The following HECTD4 variants were observed in gnomAD, a reference collection of about 807,000 sequenced individuals.
HECTD4 encodes the protein probable E3 ubiquitin-protein ligase HECTD4.
Under a neutral mutation model 471.5 loss-of-function variants are expected in HECTD4, and 114 were observed. The observed-to-expected ratio is 0.24, with a 90% confidence interval of 0.21 to 0.28. HECTD4 has a LOEUF of 0.28. HECTD4 is among the 10% of genes least tolerant of loss of function. The pLI is 1.00. For missense variants in HECTD4, 3,866 were observed against 5,651.5 expected (o/e 0.68, Z 10.13); for synonymous variants, 2,012 against 2,256.0 (o/e 0.89, Z 3.07).
At chr12:112,171,074 A>G (rs1181671160) in intron 68 of HECTD4, 43 bp downstream of exon 68, 2 of 1,534,236 alleles carry the variant, frequency 1.3e-6, no homozygotes, top group South Asian at 2.3e-5. Context: ...CTTGCAGGTC[A>G]CCTCTCTCTT....
At chr12:112,293,009 G>C (rs1333228229) in intron 7 of HECTD4, among the ~76,000 whole-genome samples, 1 of 144,718 alleles carries the variant, frequency 6.9e-6, no homozygotes, top group Non-Finnish European at 1.5e-5. Flanking sequence ...GCAGCAATGA[G>C]AGACTCCATG....
intron 1 of HECTD4, among the ~76,000 whole-genome samples, chr12:112,331,368 G>C (rs2035842292): frequency 6.6e-6 from 1 of 152,196 alleles, no homozygotes. Flanking sequence ...ACCACACCTT[G>C]TCCAGCATCA....
rs1039276436 is a variant in HECTD4, at chr12:112,193,967, TGCTTGGATC to T, written c.8750-302_8750-294del. On this transcript the variant is annotated intron_variant, in intron 56 of 75. Transcript: ENST00000682272. The surrounding 1 kb of genome is among the most constrained non-coding windows in gnomAD (Gnocchi z 5.2). ...GTCTACGAAATATATCAAATGGGGC[TGCTTGGATC>T]CAGGGGTTCCCAGAGCCTGACCTGT... 3.9e-5 allele frequency among the ~76,000 whole-genome samples: 6 copies of T among 152,236 alleles called. No homozygotes were observed.
At chr12:112,274,989 T>G in intron 9 of HECTD4, 29 bp from the exon 10 acceptor site, 1 of 1,282,646 alleles carries the variant, frequency 7.8e-7, no homozygotes, top group Non-Finnish European at 1.1e-6. Context: ...AGCTGTTTAA[T>G]GAGCCTGAAG....
intron 1 of HECTD4, among the ~76,000 whole-genome samples, chr12:112,347,466 C>T (rs2135733109): frequency 6.6e-6 from 1 of 152,226 alleles, no homozygotes. Context: ...GCCAAGATTG[C>T]ACCACTGCAC....
chr12:112,232,924 T>C, intron 38 of HECTD4, 80 bp downstream of exon 38: 1 of 1,308,752 alleles, frequency 7.6e-7, no homozygotes, highest in Non-Finnish European at 1.1e-6. Flanking sequence ...TTTTTTGTTT[T>C]CTTAATTTGT....
At position 112,184,118 on chromosome 12, in the gene HECTD4, G is replaced by T; in HGVS notation, c.10779+69C>A. On this transcript the variant is annotated intron_variant, in intron 61 of 75. Coordinates refer to ENST00000682272, the MANE Select transcript of HECTD4 (RefSeq NM_001388303.1). The surrounding 1 kb of genome is among the most constrained non-coding windows in gnomAD (Gnocchi z 9.1). ...TACCTACTAGGAAATAACTTTGGAA[G>T]ATTTAAAGAGGCTTGGGGGATTGAA... 1 of 1,407,524 alleles carries T rather than the reference G, an allele frequency of 7.1e-7. No homozygotes were observed. Among genetic ancestry groups the T allele is most frequent in the Non-Finnish European group, 9.7e-7 (1 of 1,028,938 alleles). The allele number at this position is 1,407,524 out of a possible 1,614,324, so 87.2% of individuals were successfully genotyped here.
At chr12:112,364,648 G>A (rs2135753066) in intron 1 of HECTD4, among the ~76,000 whole-genome samples, 1 of 152,016 alleles carries the variant, frequency 6.6e-6, no homozygotes, top group East Asian at 1.9e-4. Context: ...TGAATCAATT[G>A]AGCCCGGGAG....
intron 13 of HECTD4, 149 bp downstream of exon 13, chr12:112,269,555 C>T (rs754719847): frequency 7.9e-5 from 63 of 795,478 alleles, no homozygotes; most frequent in Non-Finnish European, 1.1e-4. Flanking sequence ...GCCACAAACC[C>T]CTCTCCAGTG....
intron 20 of HECTD4, among the ~76,000 whole-genome samples, chr12:112,257,211 G>A (rs1050351724): frequency 5.3e-5 from 8 of 152,024 alleles, no homozygotes; most frequent in Non-Finnish European, 1.0e-4. Flanking sequence ...AGTCACATGT[G>A]GCCATTTCAA....
Position 112,179,410 on chromosome 12 carries a change from G to C in HECTD4, c.10988-13C>G. 2 of 1,599,958 alleles carry C rather than the reference G, an allele frequency of 1.3e-6. No homozygotes were observed. Among genetic ancestry groups the C allele is most frequent in the Non-Finnish European group, 1.7e-6 (2 of 1,171,712 alleles). ...ACCAGCTTCTCCCCTGTTGGATGGA[G>C]AGGGGGCAAAACAATTCTGCCGTGA... On this transcript the variant is annotated splice_polypyrimidine_tract_variant and intron_variant, in intron 62 of 75. Transcript: ENST00000682272. The surrounding 1 kb of genome is among the most constrained non-coding windows in gnomAD (Gnocchi z 4.3).
At chr12:112,245,690 T>C (rs2033744955) in intron 29 of HECTD4, among the ~76,000 whole-genome samples, 1 of 152,248 alleles carries the variant, frequency 6.6e-6, no homozygotes, top group Non-Finnish European at 1.5e-5. Context: ...CTACGTAACA[T>C]GGACTCTTTC....
At chr12:112,210,374 T>G in intron 49 of HECTD4, 122 bp from the exon 50 acceptor site, 1 of 1,014,908 alleles carries the variant, frequency 9.9e-7, no homozygotes, top group South Asian at 1.5e-5. Context: ...TGTGCTGGCA[T>G]GAGAAACCAG....
intron 1 of HECTD4, among the ~76,000 whole-genome samples, chr12:112,362,144 C>A (rs918772292): frequency 4.6e-5 from 7 of 152,210 alleles, no homozygotes; most frequent in Non-Finnish European, 4.4e-5. Flanking sequence ...TGCTGTGATA[C>A]TTAAGTATCT....
At position 112,231,694 on chromosome 12, in the gene HECTD4, T is replaced by C; in HGVS notation, c.6019A>G (p.Thr2007Ala). 6.2e-7 allele frequency: 1 copy of C among 1,612,184 alleles called. No individual in the cohort carries two copies. Among genetic ancestry groups the C allele is most frequent in the Non-Finnish European group, 8.5e-7 (1 of 1,179,722 alleles). ...CGCAGGGCGGCTGCAGCCTCTTCTGTAATCACTTCGCAACAGCCACCCTGG... is the reference window on the plus strand; with the variant it reads ...CGCAGGGCGGCTGCAGCCTCTTCTGCAATCACTTCGCAACAGCCACCCTGG... The part of the protein sequence containing the change: ...MTKGGCCEVI[T>A]EEAAAALRKA... The change falls in exon 39 of 76, where the codon ACA becomes GCA. Residue 2007 changes from threonine to alanine, a missense_variant. This residue lies in a region of HECTD4 where 617 missense variants were observed against 915.1 expected (regional missense o/e 0.67). Transcript: ENST00000682272.
intron 7 of HECTD4, among the ~76,000 whole-genome samples, chr12:112,288,676 T>C (rs1715030350): frequency 1.3e-5 from 2 of 152,208 alleles, no homozygotes; most frequent in Non-Finnish European, 2.9e-5. Context: ...CCACTTGTCC[T>C]CTTGAAAAGC....
At chr12:112,198,538 C>T (rs1211160183) in intron 55 of HECTD4, among the ~76,000 whole-genome samples, 1 of 152,026 alleles carries the variant, frequency 6.6e-6, no homozygotes. Flanking sequence ...CCTGGGCTGT[C>T]GTGGTGGAGG....
At chr12:112,304,155 A>G (rs1361330136) in intron 7 of HECTD4, among the ~76,000 whole-genome samples, 5 of 150,750 alleles carry the variant, frequency 3.3e-5, no homozygotes, top group African/African-American at 4.9e-5. Flanking sequence ...TTTTGATACA[A>G]TTTTTTCTTT....
Position 112,190,852 on chromosome 12 carries a change from C to A in HECTD4, c.9406G>T (p.Gly3136Trp), listed in dbSNP as rs1350699063. Residue 3136 changes from glycine (G) to tryptophan (W), a missense_variant, in exon 60 of 76, where the codon GGG (glycine) becomes TGG (tryptophan). Physicochemically the swap from Gly to Trp is radical, Grantham distance 184. Around this residue, in one of 16 missense-constraint regions of HECTD4, gnomAD observed 364 missense variants for 413.2 expected, o/e 0.88. Coordinates refer to ENST00000682272, the MANE Select transcript of HECTD4 (RefSeq NM_001388303.1). ...LLSWKSEDSEGKSEDEPDTIP... is the reference protein window; with the variant it reads ...LLSWKSEDSEWKSEDEPDTIP... ...GTGTCAGGCTCATCTTCGGACTTCC[C>A]TTCACTGTCCTCTGATTTCCAGGAC... 1 of 1,584,416 alleles carries A rather than the reference C, an allele frequency of 6.3e-7. No individual in the cohort carries two copies. Among genetic ancestry groups the A allele is most frequent in the Non-Finnish European group, 8.6e-7 (1 of 1,165,386 alleles).
Sources: allele counts gnomAD v4.1 joint callset (sites outside exome capture counted in the v4.1 genomes callset), GRCh38; gene constraint gnomAD v4.1.1; regional missense constraint gnomAD v4.1.1; non-coding constraint Gnocchi (gnomAD v3.1); transcripts MANE v1.5; gene names NCBI Gene and HGNC (gene_info 2026-07-23, HGNC 2026-07-21).